Variants in TAMM41 observed in about 807,000 individuals in gnomAD.
TAMM41 encodes TAM41 mitochondrial translocator assembly and maintenance homolog.
A neutral mutation model predicts 44.1 loss-of-function variants in TAMM41; 36 were observed. The ratio of observed to expected loss-of-function variants is 0.82; its 90% CI spans 0.63 to 1.08. The LOEUF (loss-of-function observed/expected upper bound fraction) is 1.08, where lower values mean the gene tolerates loss of function less well. Ranked by LOEUF, TAMM41 falls within the 50% of genes least tolerant of loss-of-function variation. TAMM41 has a pLI of 0.00. For synonymous variants in TAMM41, 164 were observed against 153.1 expected (o/e 1.07, Z -0.53); for missense variants, 417 against 404.3 (o/e 1.03, Z -0.27).
downstream of TAMM41, among the ~76,000 whole-genome samples, chr3:11,789,365 T>C (rs2077436607): frequency 6.6e-6 from 1 of 152,196 alleles, no homozygotes; most frequent in Admixed American, 6.5e-5. Flanking sequence ...TACTTGGCAA[T>C]GCAAATACAG....
At chr3:11,737,407 G>T in the TAMM41 span, among the ~76,000 whole-genome samples, 1 of 151,110 alleles carries the variant, frequency 6.6e-6, no homozygotes, top group East Asian at 1.9e-4. Context: ...TGCATCCTCC[G>T]CCTCCCAGGT....
intron 4 of TAMM41, among the ~76,000 whole-genome samples, chr3:11,821,883 G>A (rs1334045826): frequency 2.6e-5 from 4 of 152,036 alleles, no homozygotes; most frequent in African/African-American, 7.3e-5. Flanking sequence ...CCCCAAACCT[G>A]GAAACCTTTT....
the TAMM41 span, among the ~76,000 whole-genome samples, chr3:11,745,085 A>G: frequency 6.6e-6 from 1 of 151,866 alleles, no homozygotes; most frequent in Non-Finnish European, 1.5e-5. Flanking sequence ...CTGGTCTCCA[A>G]CTCCTGAACT....
At chr3:11,824,357 ATT>A (rs34155955) in intron 4 of TAMM41, among the ~76,000 whole-genome samples, 11 of 105,112 alleles carry the variant, frequency 1.0e-4, no homozygotes, top group Middle Eastern at 6.6e-3. Flanking sequence ...TGCCTGGCTA[ATT>A]TTTTTTTTTT....
chr3:11,765,241 T>C, the TAMM41 span, among the ~76,000 whole-genome samples: 3 of 152,184 alleles, frequency 2.0e-5, no homozygotes, highest in Non-Finnish European at 4.4e-5. Context: ...AGGCTCTTAC[T>C]ACCACCACCC....
At chr3:11,777,377 T>C in the TAMM41 span, among the ~76,000 whole-genome samples, 1 of 152,240 alleles carries the variant, frequency 6.6e-6, no homozygotes, top group South Asian at 2.1e-4. Context: ...AAAAAGGAGT[T>C]GAGGTACTAC....
chr3:11,743,585 G>A, the TAMM41 span, among the ~76,000 whole-genome samples: 2 of 152,000 alleles, frequency 1.3e-5, no homozygotes, highest in South Asian at 2.1e-4. Context: ...CACCTGCCTC[G>A]ACCTCTCAAA....
At chr3:11,749,351 T>A in the TAMM41 span, among the ~76,000 whole-genome samples, 1 of 152,198 alleles carries the variant, frequency 6.6e-6, no homozygotes. Context: ...CCATAATCAT[T>A]TGACTACAAA....
the TAMM41 span, among the ~76,000 whole-genome samples, chr3:11,748,397 T>C: frequency 6.6e-6 from 1 of 151,984 alleles, no homozygotes; most frequent in Non-Finnish European, 1.5e-5. Flanking sequence ...ATTCTCATGC[T>C]TCAGCCTCCG....
chr3:11,824,482 T>A (rs1057200890), intron 4 of TAMM41, among the ~76,000 whole-genome samples: 5 of 150,320 alleles, frequency 3.3e-5, no homozygotes, highest in Middle Eastern at 3.4e-3. Flanking sequence ...TTAGTAGAGA[T>A]GGGGTTTCAT....
chr3:11,750,808 T>C, the TAMM41 span, among the ~76,000 whole-genome samples: 2 of 152,192 alleles, frequency 1.3e-5, no homozygotes, highest in Non-Finnish European at 2.9e-5. Flanking sequence ...CAGGACTCTT[T>C]TTCATTCATA....
chr3:11,763,884 A>G, the TAMM41 span, among the ~76,000 whole-genome samples: 1 of 152,234 alleles, frequency 6.6e-6, no homozygotes, highest in Non-Finnish European at 1.5e-5. Context: ...CAAGTGCCAG[A>G]AACATGAAGG....
At chr3:11,791,312 A>G (rs942827927) in intron 7 of TAMM41, among the ~76,000 whole-genome samples, 2 of 152,168 alleles carry the variant, frequency 1.3e-5, no homozygotes, top group South Asian at 2.1e-4. Flanking sequence ...CTGGCCCCCT[A>G]GCACCCCCAT....
the TAMM41 span, among the ~76,000 whole-genome samples, chr3:11,722,380 G>A: frequency 2.0e-5 from 3 of 152,170 alleles, no homozygotes; most frequent in South Asian, 4.1e-4. Context: ...AGAAAAAGGG[G>A]GGTTGTTGTA....
At chr3:11,783,992 A>G in the TAMM41 span, among the ~76,000 whole-genome samples, 1 of 152,208 alleles carries the variant, frequency 6.6e-6, no homozygotes, top group South Asian at 2.1e-4. Flanking sequence ...AATTCTCATT[A>G]CTCAAAATGT....
chr3:11,739,017 C>T, the TAMM41 span, among the ~76,000 whole-genome samples: 201 of 152,294 alleles, frequency 1.3e-3, no homozygotes, highest in African/African-American at 4.6e-3. Context: ...TCCACTCCAG[C>T]GACATTAGAC....
the TAMM41 span, among the ~76,000 whole-genome samples, chr3:11,760,276 C>T: frequency 6.6e-6 from 1 of 152,206 alleles, no homozygotes; most frequent in East Asian, 1.9e-4. Flanking sequence ...TCAGGACTTG[C>T]CAAGGTGCTC....
At chr3:11,778,064 T>C in the TAMM41 span, among the ~76,000 whole-genome samples, 1 of 152,174 alleles carries the variant, frequency 6.6e-6, no homozygotes, top group Non-Finnish European at 1.5e-5. Context: ...TTTGGCATCA[T>C]GTTTTCGAGG....
chr3:11,767,625 C>CTTTTTTTTTTTTTTTTTTTTTTT, the TAMM41 span, among the ~76,000 whole-genome samples: 1 of 27,910 alleles, frequency 3.6e-5, no homozygotes, highest in African/African-American at 2.7e-4. Context: ...ACACGTTGTG[C>CTTTTTTTTTTTTTTTTTTTTTTT]ATTTTTTTTT....
Sources: gnomAD v4.1 joint callset for allele counts (sites outside exome capture counted in the v4.1 genomes callset) on GRCh38, gnomAD v4.1.1 for gene constraint, MANE v1.5 for transcripts, NCBI Gene and HGNC (gene_info 2026-07-23, HGNC 2026-07-21) for gene names.